NFIA: variants seen among roughly 807,000 people sequenced by gnomAD.
The protein encoded by NFIA is nuclear factor 1 A-type.
NFIA carries 8 observed loss-of-function variants against 62.8 expected under a neutral mutation model. That is an observed-to-expected ratio of 0.13 (90% CI 0.07 to 0.23). The LOEUF (loss-of-function observed/expected upper bound fraction) is 0.23, where lower values mean the gene tolerates loss of function less well. Among genes scored for constraint, NFIA ranks in the 10% least tolerant of loss-of-function variants. The pLI is 1.00. For missense variants in NFIA, 410 were observed against 642.1 expected, an observed-to-expected ratio of 0.64 and a Z score of 3.91; for synonymous variants, 235 against 238.1, an observed-to-expected ratio of 0.99 and a Z score of 0.12.
At chr1:61,154,227 C>A (rs1648632401) in intron 2 of NFIA, among the ~76,000 whole-genome samples, 1 of 152,196 alleles carries the variant, frequency 6.6e-6, no homozygotes, top group African/African-American at 2.4e-5. Flanking sequence ...TGGCTCACTG[C>A]AACCAAGTGA....
chr1:61,091,220 A>G (rs1646314693), intron 2 of NFIA, among the ~76,000 whole-genome samples: 2 of 151,964 alleles, frequency 1.3e-5, no homozygotes. Flanking sequence ...TAGAAATTAG[A>G]TCTTCTTTTC....
intron 4 of NFIA, among the ~76,000 whole-genome samples, chr1:61,340,610 G>A (rs1570605563): frequency 2.0e-5 from 3 of 152,314 alleles, no homozygotes; most frequent in Admixed American, 6.5e-5. Flanking sequence ...TAACCACCAC[G>A]ATTATTGAAC....
At chr1:61,278,467 G>A (rs1273407732) in intron 3 of NFIA, among the ~76,000 whole-genome samples, 3 of 152,176 alleles carry the variant, frequency 2.0e-5, no homozygotes, top group East Asian at 1.9e-4. Context: ...TGAAGGGCCT[G>A]TGGGGAGAAT....
rs749733622 is a variant in NFIA, at chr1:61,277,613, T to TGCTTTCAGAGTCCACA, written c.625+31_625+46dup. On this transcript the variant is annotated intron_variant, in intron 3 of 10. Transcript: ENST00000403491. ...AAGTTTAGCTTGGGACTCTAGCTGC[T>TGCTTTCAGAGTCCACA]GCTTTCAGAGTCCACAGCAGCCAGC... 1.9e-6 allele frequency: 3 copies of TGCTTTCAGAGTCCACA among 1,610,582 alleles called. No homozygotes were observed. The African/African-American group carries it at 4.0e-5, about 22-fold the overall frequency.
At position 61,184,871 on chromosome 1, in the gene NFIA, C is replaced by T. The variant is rs535858272; in HGVS notation, c.560-92649C>T. Among the ~76,000 whole-genome samples, 4 of 152,290 alleles carry T rather than the reference C, an allele frequency of 2.6e-5. No homozygotes were observed. The South Asian group carries it at 8.3e-4, about 32-fold the overall frequency. ...CACGAAGGAAGGAACTGAAAGAAAA[C>T]AGAGGAGTTTAAAGTTACTTCTATG... On this transcript the variant is annotated intron_variant, in intron 2 of 10. Transcript: ENST00000403491.
At chr1:61,430,253 G>GT (rs1337851228) in intron 10 of NFIA, among the ~76,000 whole-genome samples, 1 of 152,228 alleles carries the variant, frequency 6.6e-6, no homozygotes, top group African/African-American at 2.4e-5. Flanking sequence ...CCAGCACATA[G>GT]TGGGTACTCT....
At chr1:61,181,349 G>A (rs1195963709) in intron 2 of NFIA, among the ~76,000 whole-genome samples, 1 of 152,204 alleles carries the variant, frequency 6.6e-6, no homozygotes, top group African/African-American at 2.4e-5. Flanking sequence ...AGACAGTAAT[G>A]TACATTGTTG....
intron 6 of NFIA, among the ~76,000 whole-genome samples, chr1:61,362,139 G>A (rs1387907819): frequency 1.3e-5 from 2 of 151,884 alleles, no homozygotes; most frequent in East Asian, 3.9e-4. Flanking sequence ...TCCTTTTTGG[G>A]GATTTTCCAT....
chr1:61,364,946 G>C (rs2364474), intron 6 of NFIA, among the ~76,000 whole-genome samples: 102,470 of 152,108 alleles, frequency 0.67, 35,430 homozygotes, highest in East Asian at 0.76. Context: ...CCGGGCATGG[G>C]GCCCAAGGTG....
chr1:61,159,682 T>C (rs1185811119), intron 2 of NFIA, among the ~76,000 whole-genome samples: 2 of 10,260 alleles, frequency 1.9e-4, no homozygotes, highest in Admixed American at 1.8e-3. Context: ...TGTAGATGCT[T>C]TTTTTTTTTT....
intron 6 of NFIA, among the ~76,000 whole-genome samples, chr1:61,363,712 A>C (rs2100451608): frequency 6.6e-6 from 1 of 152,314 alleles, no homozygotes; most frequent in South Asian, 2.1e-4. Context: ...AATCTAGAGA[A>C]GAAATATAGA....
intron 10 of NFIA, among the ~76,000 whole-genome samples, chr1:61,445,661 G>A (rs569813767): frequency 2.0e-5 from 3 of 152,244 alleles, no homozygotes; most frequent in Admixed American, 6.5e-5. Flanking sequence ...AGCTATGACC[G>A]CGCACAGGGA....
At chr1:61,368,019 C>G (rs140816824) in intron 6 of NFIA, among the ~76,000 whole-genome samples, 2 of 152,174 alleles carry the variant, frequency 1.3e-5, no homozygotes, top group African/African-American at 2.4e-5. Flanking sequence ...ATACGTTTGT[C>G]GAACGAATGA....
chr1:61,355,444 TC>T (rs990990672), intron 5 of NFIA, among the ~76,000 whole-genome samples: 1 of 152,164 alleles, frequency 6.6e-6, no homozygotes, highest in Non-Finnish European at 1.5e-5. Context: ...CATTTTTTAT[TC>T]CAAAAAACTT....
chr1:61,384,349 C>T (rs1664571477), intron 7 of NFIA, among the ~76,000 whole-genome samples: 1 of 152,130 alleles, frequency 6.6e-6, no homozygotes, highest in South Asian at 2.1e-4. Flanking sequence ...GGAAATGTGG[C>T]AGGTAAGAGG....
At chr1:61,285,293 G>A (rs967188988) in intron 3 of NFIA, among the ~76,000 whole-genome samples, 35 of 152,130 alleles carry the variant, frequency 2.3e-4, no homozygotes, top group African/African-American at 8.2e-4. Context: ...TCAGAGGGGC[G>A]AGCTGGGGTC....
chr1:61,088,204 A>G lies in NFIA; in HGVS notation c.83A>G (p.Tyr28Cys). 6.2e-7 allele frequency: 1 copy of G among 1,613,672 alleles called. No homozygotes were observed. Among genetic ancestry groups the G allele is most frequent in the African/African-American group, 1.3e-5 (1 of 74,890 alleles). ...CTGCCCCACGTCCGAGCCTTTGCCTACACATGGTTCAACCTGCAGGCCCGA... is the reference window on the plus strand; with the variant it reads ...CTGCCCCACGTCCGAGCCTTTGCCTGCACATGGTTCAACCTGCAGGCCCGA... ...ALLPHVRAFA[Y>C]TWFNLQARKR... Residue 28 changes from tyrosine (Y) to cysteine (C), a missense_variant, in exon 2 of 11, where the codon TAC (tyrosine) becomes TGC (cysteine). By Grantham distance (194) the Tyr-to-Cys change is radical. This residue lies in a region of NFIA where 86 missense variants were observed against 124.6 expected (regional missense o/e 0.69). Transcript: ENST00000403491. The surrounding 1 kb of genome is among the most constrained non-coding windows in gnomAD (Gnocchi z 4.5).
intron 2 of NFIA, among the ~76,000 whole-genome samples, chr1:61,240,001 G>A (rs948052773): frequency 3.9e-5 from 6 of 152,164 alleles, no homozygotes; most frequent in East Asian, 3.9e-4. Flanking sequence ...CATGGTTTAC[G>A]TCATATCTCT....
chr1:61,099,435 G>A (rs1226227214), intron 2 of NFIA, among the ~76,000 whole-genome samples: 2 of 152,168 alleles, frequency 1.3e-5, no homozygotes, highest in Admixed American at 6.5e-5. Flanking sequence ...TAGAGCATTC[G>A]ATTACCAACT....
Sources: allele counts gnomAD v4.1 joint callset (sites outside exome capture counted in the v4.1 genomes callset), GRCh38; gene constraint gnomAD v4.1.1; regional missense constraint gnomAD v4.1.1; non-coding constraint Gnocchi (gnomAD v3.1); transcripts MANE v1.5; gene names NCBI Gene and HGNC (gene_info 2026-07-23, HGNC 2026-07-21).